Variants in NAXD observed in about 807,000 individuals in gnomAD.
The protein encoded by NAXD is NAD(P)HX dehydratase.
Under a neutral mutation model 35.8 loss-of-function variants are expected in NAXD, and 22 were observed. That is an observed-to-expected ratio of 0.62 (90% confidence interval 0.44 to 0.88). NAXD has a LOEUF of 0.88. NAXD is among the 40% of genes least tolerant of loss of function. The probability of loss-of-function intolerance (pLI) is 0.00; values close to 1 mark genes in which losing one functional copy is unlikely to be tolerated. For synonymous variants in NAXD, 189 were observed against 177.6 expected (o/e 1.06, Z -0.51); for missense variants, 428 against 437.7 (o/e 0.98, Z 0.20).
intron 7 of NAXD, 144 bp from the exon 8 acceptor site, chr13:110,635,324 C>T: frequency 1.1e-6 from 1 of 916,200 alleles, no homozygotes; most frequent in Admixed American, 2.2e-5. Context: ...TGGGCATCCT[C>T]CCACCTACAT....
chr13:110,628,324 C>T lies in NAXD; in HGVS notation c.441+777C>T, dbSNP rs114516054. 4.8e-3 allele frequency among the ~76,000 whole-genome samples: 724 copies of T among 152,256 alleles called. 8 individuals carry two copies. Among genetic ancestry groups the T allele is most frequent in the African/African-American group, 0.017 (692 of 41,554 alleles). The stretch of plus-strand genomic sequence containing the variant: ...AGCTCCTGGGGGAAGACACAGTGTG[C>T]CAGATGGCTTGGTGCCACAGGGTGC... On this transcript the variant is annotated intron_variant, in intron 5 of 9. Transcript: ENST00000680254. This position sits in a 1 kb window ranked among gnomAD's most constrained non-coding sequence, Gnocchi z 4.1.
chr13:110,622,406 GT>G, intron 2 of NAXD, 40 bp downstream of exon 2: 1 of 1,602,194 alleles, frequency 6.2e-7, no homozygotes, highest in African/African-American at 1.3e-5. Flanking sequence ...TAAAAAGTCA[GT>G]TGCTGGCTGG....
Position 110,637,254 on chromosome 13 carries a change from G to T in NAXD, c.839+5G>T. 6.2e-7 allele frequency: 1 copy of T among 1,613,888 alleles called. No individual in the cohort carries two copies. The highest frequency in any genetic ancestry group is 8.5e-7 in the Non-Finnish European group (1 of 1,179,950). ...TGGACCACAGAAAACAAATGGGTAA[G>T]GCCACGTCTTCATTTATTCTACTTT... is the stretch of plus-strand genomic sequence containing the variant. On this transcript the variant is annotated splice_donor_5th_base_variant and intron_variant, in intron 9 of 9. Transcript: ENST00000680254.
rs560785531 is a variant in NAXD, at chr13:110,619,373, T to C, written c.47-2843T>C. Among the ~76,000 whole-genome samples the C allele has an allele frequency of 3.3e-5, 5 of 152,280 alleles. No homozygotes were observed. In the South Asian group the frequency reaches 1.0e-3, roughly 32 times the overall value. On this transcript the variant is annotated intron_variant, in intron 1 of 9. Coordinates refer to ENST00000680254, the MANE Select transcript of NAXD (RefSeq NM_001242882.2). ...TTATCTGGTGGAACCATTTTATTCC[T>C]TTTCTTATTGTGAGAAATACACATT... is the stretch of plus-strand genomic sequence containing the variant.
At chr13:110,625,988 GAC>G (rs1170824554) in intron 4 of NAXD, among the ~76,000 whole-genome samples, 1 of 152,146 alleles carries the variant, frequency 6.6e-6, no homozygotes, top group African/African-American at 2.4e-5. Flanking sequence ...ACAGTGTGAT[GAC>G]GCCTGGGTCG....
In NAXD at chr13:110,633,231, C is replaced by T. The variant is rs1886786502; in HGVS notation, c.442-1314C>T. On this transcript the variant is annotated intron_variant, in intron 5 of 9. Transcript: ENST00000680254. ...TGAGCACAGTGCCGGTGGGCTGGCA[C>T]TGCTGCAGGACCCAGTACACCCTCT... Among the ~76,000 whole-genome samples the T allele has an allele frequency of 2.0e-5, 3 of 152,190 alleles. No individual in the cohort carries two copies. The South Asian group carries it at 6.2e-4, about 32-fold the overall frequency.
At chr13:110,615,478 T>C (rs2139620468), upstream of NAXD, 2 of 880,634 alleles carry the variant, frequency 2.3e-6, no homozygotes, top group African/African-American at 3.5e-5. Context: ...CCGGGTGTGA[T>C]TGAGCGAGTT....
chr13:110,634,627 T>C (rs768457744), intron 6 of NAXD, 32 bp downstream of exon 6: 1 of 1,614,102 alleles, frequency 6.2e-7, no homozygotes, highest in South Asian at 1.1e-5. Context: ...TGGCTCGGAC[T>C]CCCGGAAGGC....
chr13:110,634,877 A>T lies in NAXD; in HGVS notation c.597+101A>T, dbSNP rs540078381. 262 of 850,424 alleles carry T rather than the reference A, an allele frequency of 3.1e-4. 4 individuals carry two copies. In the South Asian group the frequency reaches 3.6e-3, roughly 12 times the overall value. The allele number at this position is 850,424 out of a possible 1,614,324, so 52.7% of individuals were successfully genotyped here. ...TTCTGCCCAGCCTGTCCCTGTGGAC[A>T]CACCTGCAAGTAATCGCTGTGCCTC... On this transcript the variant is annotated intron_variant, in intron 7 of 9. Transcript: ENST00000680254.
intron 5 of NAXD, among the ~76,000 whole-genome samples, chr13:110,629,548 A>C (rs1886628185): frequency 6.6e-6 from 1 of 152,146 alleles, no homozygotes. Context: ...AGGACATTTC[A>C]TATGAATGGA....
chr13:110,615,627 C>A lies in NAXD; in HGVS notation c.26C>A (p.Ala9Glu). The A allele has an allele frequency of 6.8e-7, 1 of 1,479,282 alleles. No homozygotes were observed. The highest frequency in any genetic ancestry group is 1.3e-5 in the South Asian group (1 of 78,572). The allele number at this position is 1,479,282 out of a possible 1,614,324, so 91.6% of individuals were successfully genotyped here. A position where few individuals can be genotyped will look rare whatever the true frequency, so the allele number is the denominator to read the frequency against. Residue 9 changes from alanine to glutamate, a missense_variant, in exon 1 of 10, where the codon GCA becomes GAA. Physicochemically the swap from Ala to Glu is moderately radical, Grantham distance 107. Transcript: ENST00000680254. ...ATGGCCCTGGGTCCTCGCTGTGGGG[C>A]AATCCGGGCTTGCAGACGAGGTAAG... Reference protein sequence around the residue: MALGPRCGAIRACRRVLER... With the variant: MALGPRCGEIRACRRVLER...
rs1455185747 is a variant in NAXD at position 110,637,234 on chromosome 13, C to A, written c.824C>A (p.Pro275Gln). The A allele has an allele frequency of 5.6e-6, 9 of 1,614,002 alleles. No homozygotes were observed. In the East Asian group the frequency reaches 8.9e-5, roughly 16 times the overall value. ...GTACACTGGGCGCTCCTTGCTGGAC[C>A]ACAGAAAACAAATGGGTAAGGCCAC... ...VLVHWALLAG[P>Q]QKTNGSSPLL... The change falls in exon 9 of 10, where the codon CCA becomes CAA. Residue 275 changes from proline to glutamine, a missense_variant. This residue lies in a region of NAXD where 209 missense variants were observed against 214.6 expected (regional missense o/e 0.97). Transcript: ENST00000680254.
At chr13:110,635,036 T>C (rs1303456297) in intron 7 of NAXD, among the ~76,000 whole-genome samples, 2 of 97,708 alleles carry the variant, frequency 2.0e-5, no homozygotes, top group Non-Finnish European at 4.0e-5. Context: ...ACTTTGTCTG[T>C]GTCCTGAGTG....
chr13:110,637,950 TCTG>T, intron 9 of NAXD: 1 of 541,866 alleles, frequency 1.8e-6, no homozygotes, highest in South Asian at 1.8e-5. Flanking sequence ...TACTGTTCAT[TCTG>T]CTGTGTTCAC....
chr13:110,634,953 A>T (rs987977735), intron 7 of NAXD, among the ~76,000 whole-genome samples, 177 bp downstream of exon 7: 1 of 152,162 alleles, frequency 6.6e-6, no homozygotes, highest in African/African-American at 2.4e-5. Flanking sequence ...TGGATGAACG[A>T]TGGTGTAGTG....
rs1312878514 is a variant in NAXD, at chr13:110,615,548, G to A, written c.-54G>A. On this transcript the variant is annotated 5_prime_UTR_variant, in exon 1 of 10. The change abolishes an upstream ATG in the 5' untranslated region. Transcript: ENST00000680254. ...CGGGAAACCGGAAAACGCTTCCAAT[G>A]GCTGTGTTTCCGGCGACGGCGCGGG... 1 of 1,337,780 alleles carries A rather than the reference G, an allele frequency of 7.5e-7. No homozygotes were observed. Among genetic ancestry groups the A allele is most frequent in the Non-Finnish European group, 9.6e-7 (1 of 1,044,256 alleles). 82.9% of individuals were successfully genotyped at this position (1,337,780 alleles called of 1,614,324 possible).
intron 7 of NAXD, 106 bp downstream of exon 7, chr13:110,634,882 T>A: frequency 1.3e-6 from 1 of 797,022 alleles, no homozygotes; most frequent in Non-Finnish European, 2.1e-6. Context: ...TGGACACACC[T>A]GCAAGTAATC....
intron 2 of NAXD, 44 bp from the exon 3 acceptor site, chr13:110,624,190 A>G (rs765592945): frequency 2.5e-6 from 3 of 1,201,046 alleles, no homozygotes; most frequent in Middle Eastern, 2.0e-4. Context: ...AGGTATGCTT[A>G]CCTTATTCTC....
chr13:110,629,019 GT>G (rs1465835222), intron 5 of NAXD, among the ~76,000 whole-genome samples: 8 of 152,242 alleles, frequency 5.3e-5, no homozygotes, highest in African/African-American at 1.9e-4. Context: ...TTGCATTCTG[GT>G]TCCTGTACAC....
Sources: gnomAD v4.1 joint callset for allele counts (sites outside exome capture counted in the v4.1 genomes callset) on GRCh38, gnomAD v4.1.1 for gene constraint, gnomAD v4.1.1 regional missense constraint, Gnocchi (gnomAD v3.1) non-coding constraint, MANE v1.5 for transcripts, NCBI Gene and HGNC (gene_info 2026-07-23, HGNC 2026-07-21) for gene names.